The following CPQ variants were observed in gnomAD, a reference collection of about 807,000 sequenced individuals.
The protein encoded by CPQ is Ser-Met dipeptidase.
CPQ carries 37 observed loss-of-function variants against 45.7 expected under a neutral mutation model. The observed-to-expected ratio is 0.81, with a 90% CI of 0.62 to 1.07. The LOEUF is 1.07. CPQ is among the 50% of genes least tolerant of loss of function. CPQ has a pLI of 0.00. For synonymous variants in CPQ, 186 were observed against 205.8 expected (o/e 0.90, Z 0.82); for missense variants, 537 against 572.9 (o/e 0.94, Z 0.64).
chr8:96,873,443 C>T (rs1812104866), intron 3 of CPQ, among the ~76,000 whole-genome samples: 2 of 151,130 alleles, frequency 1.3e-5, no homozygotes, highest in Non-Finnish European at 1.5e-5. Context: ...TGGATTTTCT[C>T]TTATTGTTGT....
chr8:96,835,300 C>T, intron 3 of CPQ, 120 bp downstream of exon 3: 1 of 723,426 alleles, frequency 1.4e-6, no homozygotes, highest in East Asian at 3.3e-5. Context: ...TGGAGTTTCC[C>T]CCCCAAACAC....
intron 7 of CPQ, among the ~76,000 whole-genome samples, chr8:97,091,301 G>T (rs1811120770): frequency 6.6e-6 from 1 of 152,176 alleles, no homozygotes; most frequent in Non-Finnish European, 1.5e-5. Flanking sequence ...TTTGTGGTTT[G>T]CCAGTGACTT....
chr8:96,803,477 C>G (rs1811034496), intron 2 of CPQ, among the ~76,000 whole-genome samples: 1 of 152,028 alleles, frequency 6.6e-6, no homozygotes, highest in South Asian at 2.1e-4. Flanking sequence ...TTGGAGGAAT[C>G]AAAGATTATA....
chr8:96,732,652 G>T (rs941188629), intron 1 of CPQ, among the ~76,000 whole-genome samples: 1 of 151,646 alleles, frequency 6.6e-6, no homozygotes, highest in Non-Finnish European at 1.5e-5. Context: ...TGCTTATTTG[G>T]GATCATAGGA....
At chr8:96,717,783 G>A (rs1239287040) in intron 1 of CPQ, among the ~76,000 whole-genome samples, 3 of 152,116 alleles carry the variant, frequency 2.0e-5, no homozygotes. Context: ...CTCCACGTGT[G>A]GGCACAAGCA....
At chr8:96,919,035 GTT>G (rs1812771125) in intron 4 of CPQ, among the ~76,000 whole-genome samples, 3 of 152,042 alleles carry the variant, frequency 2.0e-5, no homozygotes, top group Admixed American at 1.3e-4. Flanking sequence ...GGGTACATAA[GTT>G]ACTCTAGCTT....
At chr8:97,057,697 C>A (rs1405466145) in intron 6 of CPQ, among the ~76,000 whole-genome samples, 1 of 152,168 alleles carries the variant, frequency 6.6e-6, no homozygotes, top group Non-Finnish European at 1.5e-5. Context: ...ACACGTGATT[C>A]CTGTGTTCAT....
At position 97,081,634 on chromosome 8, in the gene CPQ, A is replaced by C. The variant is rs575131953; in HGVS notation, c.1255+15424A>C. Among the ~76,000 whole-genome samples, 5 of 152,252 alleles carry C rather than the reference A, an allele frequency of 3.3e-5. No individual in the cohort carries two copies. The South Asian group carries it at 1.0e-3, about 32-fold the overall frequency. On this transcript the variant is annotated intron_variant, in intron 7 of 7. Transcript: ENST00000220763. ...TTCCAACTTCCTGGAGCACAACTCC[A>C]CTGTTTTCCATGTGAATAGCACCCC...
At chr8:97,057,240 G>GA (rs1211533755) in intron 6 of CPQ, among the ~76,000 whole-genome samples, 25 of 152,182 alleles carry the variant, frequency 1.6e-4, no homozygotes, top group African/African-American at 7.2e-5. Context: ...TTTGCTTCCT[G>GA]AAAAAACACA....
At chr8:96,860,100 T>C (rs151114233) in intron 3 of CPQ, among the ~76,000 whole-genome samples, 1 of 152,128 alleles carries the variant, frequency 6.6e-6, no homozygotes, top group South Asian at 2.1e-4. Flanking sequence ...ATGAACTCTT[T>C]TAGAGACTCT....
At chr8:97,035,765 T>G (rs1809991971) in intron 6 of CPQ, among the ~76,000 whole-genome samples, 1 of 152,154 alleles carries the variant, frequency 6.6e-6, no homozygotes, top group South Asian at 2.1e-4. Flanking sequence ...TGGAGTGCAG[T>G]GGCGCGATCT....
intron 3 of CPQ, among the ~76,000 whole-genome samples, chr8:96,858,817 T>A (rs1348206102): frequency 6.6e-6 from 1 of 152,200 alleles, no homozygotes; most frequent in Non-Finnish European, 1.5e-5. Context: ...TTGAGGTCAG[T>A]ATTCTTAGAT....
chr8:96,645,555 G>A (rs1815508259), intron 1 of CPQ, among the ~76,000 whole-genome samples, 153 bp downstream of exon 1: 1 of 152,196 alleles, frequency 6.6e-6, no homozygotes, highest in Non-Finnish European at 1.5e-5. Context: ...GGGGCGTGAC[G>A]GGAGGACCTG....
chr8:97,094,591 T>C (rs1257710335), intron 7 of CPQ, among the ~76,000 whole-genome samples: 1 of 152,080 alleles, frequency 6.6e-6, no homozygotes, highest in East Asian at 1.9e-4. Flanking sequence ...TCTGTTCCTA[T>C]AGCATGTGTT....
intron 6 of CPQ, among the ~76,000 whole-genome samples, chr8:97,046,928 T>C (rs1410998804): frequency 6.6e-6 from 1 of 152,210 alleles, no homozygotes; most frequent in Non-Finnish European, 1.5e-5. Flanking sequence ...TTGTGAAAAT[T>C]ACCCATTTTT....
chr8:97,025,252 T>C (rs1809777705), intron 5 of CPQ, among the ~76,000 whole-genome samples: 1 of 152,214 alleles, frequency 6.6e-6, no homozygotes, highest in Non-Finnish European at 1.5e-5. Flanking sequence ...ATCATTTCTC[T>C]TCTCCCTATT....
intron 7 of CPQ, among the ~76,000 whole-genome samples, chr8:97,130,233 A>G (rs550964808): frequency 6.6e-6 from 1 of 152,306 alleles, no homozygotes; most frequent in African/African-American, 2.4e-5. Flanking sequence ...TAGAGAAAAA[A>G]TGACTCAGGA....
At chr8:96,980,323 G>C (rs1193689211) in intron 5 of CPQ, among the ~76,000 whole-genome samples, 1 of 152,028 alleles carries the variant, frequency 6.6e-6, no homozygotes, top group East Asian at 1.9e-4. Flanking sequence ...GGTAGAGACG[G>C]GGTTTCACCC....
chr8:97,143,227 C>T lies in CPQ; in HGVS notation c.*44C>T. The T allele has an allele frequency of 6.2e-7, 1 of 1,601,020 alleles. No individual in the cohort carries two copies. The highest frequency in any genetic ancestry group is 8.5e-7 in the Non-Finnish European group (1 of 1,171,998). ...GTTTTCATGCTTCTGGCCAGGAATC[C>T]TGGGTCTGCAACTTTGGAAAACTCC... On this transcript the variant is annotated 3_prime_UTR_variant, in exon 8 of 8. Transcript: ENST00000220763.
Sources: allele counts gnomAD v4.1 joint callset (sites outside exome capture counted in the v4.1 genomes callset), GRCh38; gene constraint gnomAD v4.1.1; transcripts MANE v1.5; gene names NCBI Gene and HGNC (gene_info 2026-07-23, HGNC 2026-07-21).